The following JMJD1C variants were observed in gnomAD, a reference collection of about 807,000 sequenced individuals.
JMJD1C encodes the protein jumonji domain containing 1C, also known as jumonji domain-containing protein 1C.
Under a neutral mutation model 245.3 loss-of-function variants are expected in JMJD1C, and 31 were observed. The observed-to-expected ratio is 0.13, with a 90% confidence interval of 0.09 to 0.17. The LOEUF (loss-of-function observed/expected upper bound fraction) is 0.17, where lower values mean the gene tolerates loss of function less well. Ranked by LOEUF, JMJD1C falls within the 10% of genes least tolerant of loss-of-function variation. JMJD1C has a pLI of 1.00. For missense variants in JMJD1C, 2,691 were observed against 3,000.2 expected, an observed-to-expected ratio of 0.90 and a Z score of 2.41; for synonymous variants, 1,057 against 1,017.4, an observed-to-expected ratio of 1.04 and a Z score of -0.74.
At chr10:63,305,132 G>T (rs1043575210) in intron 2 of JMJD1C, among the ~76,000 whole-genome samples, 19 of 151,992 alleles carry the variant, frequency 1.3e-4, no homozygotes, top group Admixed American at 6.6e-4. Flanking sequence ...ACTTTGGGAG[G>T]CCGAGGCGGG....
At chr10:63,513,412 T>C (rs1954928569) in intron 1 of JMJD1C, among the ~76,000 whole-genome samples, 1 of 152,188 alleles carries the variant, frequency 6.6e-6, no homozygotes, top group African/African-American at 2.4e-5. Flanking sequence ...AAAGACTCTA[T>C]GACTAAGTCC....
At chr10:63,306,773 G>A (rs1401037719) in intron 2 of JMJD1C, among the ~76,000 whole-genome samples, 2 of 152,046 alleles carry the variant, frequency 1.3e-5, no homozygotes, top group African/African-American at 2.4e-5. Flanking sequence ...GATAACAGAC[G>A]TTTTCAAAAA....
chr10:63,470,042 C>G (rs1564955672), upstream of JMJD1C, among the ~76,000 whole-genome samples: 1 of 152,028 alleles, frequency 6.6e-6, no homozygotes, highest in African/African-American at 2.4e-5. Flanking sequence ...GGAAACCATC[C>G]CTGATTCTCA....
intron 2 of JMJD1C, among the ~76,000 whole-genome samples, chr10:63,338,000 A>T (rs1245502607): frequency 1.3e-5 from 2 of 152,368 alleles, no homozygotes; most frequent in Non-Finnish European, 2.9e-5. Flanking sequence ...TAATCTTCAT[A>T]AAGAAAGCTG....
At chr10:63,503,315 C>T in intron 1 of JMJD1C, among the ~76,000 whole-genome samples, 1 of 152,054 alleles carries the variant, frequency 6.6e-6, no homozygotes. Context: ...AGTATAGATA[C>T]TAATATGTTG....
chr10:63,231,949 T>A lies in JMJD1C; in HGVS notation c.448-11966A>T, dbSNP rs182567705. ...GTCTCCTGGGTTCAAGCAATTCTCC[T>A]GCCTCAGCCTCCTGAGTAGCTGGGA... On this transcript the variant is annotated intron_variant, in intron 3 of 25. Coordinates refer to ENST00000399262, the MANE Select transcript of JMJD1C (RefSeq NM_032776.3). Among the ~76,000 whole-genome samples the A allele has an allele frequency of 1.7e-3, 262 of 152,268 alleles. 2 individuals carry two copies. Among genetic ancestry groups the A allele is most frequent in the African/African-American group, 6.1e-3 (254 of 41,560 alleles).
intron 25 of JMJD1C, 42 bp downstream of exon 25, chr10:63,168,393 T>C (rs1842045280): frequency 1.9e-6 from 3 of 1,561,216 alleles, no homozygotes; most frequent in East Asian, 2.2e-5. Flanking sequence ...TTTCTGAATA[T>C]AAAAAGCCTG....
chr10:63,319,422 A>AT (rs1229867290), intron 2 of JMJD1C, among the ~76,000 whole-genome samples: 1 of 147,546 alleles, frequency 6.8e-6, no homozygotes, highest in Non-Finnish European at 1.5e-5. Flanking sequence ...GCAGTCTTAT[A>AT]TTTTAACTTT....
chr10:63,315,258 T>C (rs1401812882), intron 2 of JMJD1C, among the ~76,000 whole-genome samples: 1 of 152,144 alleles, frequency 6.6e-6, no homozygotes, highest in East Asian at 1.9e-4. Context: ...TTTCAACCCT[T>C]GTCCCTCTCC....
chr10:63,184,523 C>G, intron 21 of JMJD1C, 85 bp downstream of exon 21: 1 of 1,201,996 alleles, frequency 8.3e-7, no homozygotes, highest in East Asian at 2.5e-5. Context: ...GGATTGCAGG[C>G]GTGAGCCACT....
At chr10:63,335,790 C>T (rs940443835) in intron 2 of JMJD1C, among the ~76,000 whole-genome samples, 3 of 151,836 alleles carry the variant, frequency 2.0e-5, no homozygotes, top group Admixed American at 2.0e-4. Flanking sequence ...AGATTACAGG[C>T]ATGAACCACG....
At chr10:63,427,812 G>A (rs1950527998) in intron 1 of JMJD1C, 1 of 1,163,786 alleles carries the variant, frequency 8.6e-7, no homozygotes, top group African/African-American at 1.5e-5. Context: ...TGAAATGCAA[G>A]GCCCCTTCTA....
At chr10:63,289,254 C>CAAA (rs1176663076) in intron 2 of JMJD1C, among the ~76,000 whole-genome samples, 6 of 152,116 alleles carry the variant, frequency 3.9e-5, no homozygotes, top group African/African-American at 1.4e-4. Context: ...TCAGTTCATT[C>CAAA]TTTTCATAGT....
At chr10:63,503,899 C>G (rs1954638051) in intron 1 of JMJD1C, among the ~76,000 whole-genome samples, 1 of 152,172 alleles carries the variant, frequency 6.6e-6, no homozygotes, top group African/African-American at 2.4e-5. Context: ...GGATGTGGAT[C>G]ATTTTGATAG....
intron 24 of JMJD1C, among the ~76,000 whole-genome samples, chr10:63,174,603 G>A (rs1489421939): frequency 6.6e-6 from 1 of 152,168 alleles, no homozygotes; most frequent in African/African-American, 2.4e-5. Context: ...GGAGGCCAAG[G>A]CAGACAGATT....
intron 2 of JMJD1C, among the ~76,000 whole-genome samples, chr10:63,335,408 A>T (rs1237288375): frequency 6.6e-6 from 1 of 152,248 alleles, no homozygotes; most frequent in Non-Finnish European, 1.5e-5. Context: ...TAAAAAGCTA[A>T]ATATTCCATT....
intron 2 of JMJD1C, among the ~76,000 whole-genome samples, chr10:63,367,975 A>G (rs1945995624): frequency 1.3e-5 from 2 of 152,224 alleles, no homozygotes; most frequent in South Asian, 4.1e-4. Context: ...AACAGAATAC[A>G]TATAAATCTT....
intron 1 of JMJD1C, among the ~76,000 whole-genome samples, chr10:63,416,886 C>A (rs1459130793): frequency 6.6e-6 from 1 of 152,126 alleles, no homozygotes; most frequent in African/African-American, 2.4e-5. Context: ...CAATTTCACA[C>A]TGCAAAAAGT....
intron 2 of JMJD1C, among the ~76,000 whole-genome samples, chr10:63,334,239 C>T (rs1942459843): frequency 6.6e-6 from 1 of 152,010 alleles, no homozygotes; most frequent in Non-Finnish European, 1.5e-5. Context: ...TGTTTTCTTC[C>T]GAATATAAAT....
Sources: gnomAD v4.1 joint callset for allele counts (sites outside exome capture counted in the v4.1 genomes callset) on GRCh38, gnomAD v4.1.1 for gene constraint, MANE v1.5 for transcripts, NCBI Gene and HGNC (gene_info 2026-07-23, HGNC 2026-07-21) for gene names.